TP63: variants seen among roughly 807,000 people sequenced by gnomAD.
TP63 encodes tumor protein 63.
In TP63, 17 loss-of-function variants were observed where a neutral mutation model predicts 82.8. The observed-to-expected ratio is 0.21, with a 90% CI of 0.14 to 0.31. The LOEUF (loss-of-function observed/expected upper bound fraction) is 0.31. Among genes scored for constraint, TP63 ranks in the 10% least tolerant of loss-of-function variants. The pLI is 1.00. For synonymous variants in TP63, 330 were observed against 321.7 expected (o/e 1.03, Z -0.28); for missense variants, 648 against 895.3 (o/e 0.72, Z 3.52).
intron 3 of TP63, among the ~76,000 whole-genome samples, chr3:189,752,767 T>G (rs942754683): frequency 2.3e-4 from 35 of 152,114 alleles, no homozygotes; most frequent in Non-Finnish European, 5.9e-5. Context: ...TTGAGATATC[T>G]TTTCTAATGT....
At chr3:189,637,005 A>T (rs928178336) in intron 1 of TP63, among the ~76,000 whole-genome samples, 1 of 152,090 alleles carries the variant, frequency 6.6e-6, no homozygotes, top group African/African-American at 2.4e-5. Context: ...ATTCCAGTTC[A>T]GGGTCTCAGG....
At chr3:189,765,832 G>A (rs1305412644) in intron 3 of TP63, among the ~76,000 whole-genome samples, 2 of 152,184 alleles carry the variant, frequency 1.3e-5, no homozygotes, top group African/African-American at 4.8e-5. Context: ...GCCACTAATT[G>A]TTTTCTGTTC....
the TP63 span, among the ~76,000 whole-genome samples, chr3:189,598,929 G>A: frequency 6.6e-6 from 1 of 152,200 alleles, no homozygotes; most frequent in Non-Finnish European, 1.5e-5. Context: ...ATATCTTAGA[G>A]GGATTTCCCA....
chr3:189,759,885 A>G (rs1270940894), intron 3 of TP63, among the ~76,000 whole-genome samples: 1 of 152,214 alleles, frequency 6.6e-6, no homozygotes, highest in African/African-American at 2.4e-5. Flanking sequence ...ATGGCCTGAG[A>G]GGCCTCACGA....
chr3:189,744,369 C>A (rs572475659), intron 3 of TP63, among the ~76,000 whole-genome samples: 2 of 152,178 alleles, frequency 1.3e-5, no homozygotes, highest in Admixed American at 6.5e-5. Flanking sequence ...TCTGGCCTCC[C>A]GGGGGATCAC....
intron 4 of TP63, among the ~76,000 whole-genome samples, chr3:189,848,265 C>G (rs890013417): frequency 2.6e-5 from 4 of 151,030 alleles, no homozygotes; most frequent in African/African-American, 9.8e-5. Context: ...CTCTCTCTCT[C>G]TCTCTGTTGC....
At chr3:189,630,216 T>C (rs1355387455), upstream of TP63, among the ~76,000 whole-genome samples, 3 of 152,288 alleles carry the variant, frequency 2.0e-5, no homozygotes, top group East Asian at 5.8e-4. Flanking sequence ...ATGTCACCTA[T>C]TTACAGGTGT....
At chr3:189,887,589 G>A (rs1197637732) in intron 11 of TP63, among the ~76,000 whole-genome samples, 2 of 151,992 alleles carry the variant, frequency 1.3e-5, no homozygotes, top group African/African-American at 4.8e-5. Flanking sequence ...TAGCAAAGTG[G>A]ATACACAAAC....
At chr3:189,608,095 A>C in the TP63 span, among the ~76,000 whole-genome samples, 1 of 152,204 alleles carries the variant, frequency 6.6e-6, no homozygotes, top group Non-Finnish European at 1.5e-5. Flanking sequence ...GCTTTAAAAA[A>C]TAAAGTAATT....
intron 1 of TP63, among the ~76,000 whole-genome samples, chr3:189,670,656 G>T (rs986432236): frequency 3.9e-5 from 6 of 151,926 alleles, no homozygotes; most frequent in Non-Finnish European, 8.8e-5. Flanking sequence ...TTCAAAATAT[G>T]CTACAAAGCA....
chr3:189,828,113 C>T (rs1482019691), intron 4 of TP63, among the ~76,000 whole-genome samples: 7 of 151,810 alleles, frequency 4.6e-5, no homozygotes, highest in Admixed American at 1.3e-4. Context: ...AGGTGGTGGG[C>T]GCCTGTAGTC....
rs148878016 is a variant in TP63, at chr3:189,865,468, G to A, written c.766+1050G>A. On this transcript the variant is annotated intron_variant, in intron 5 of 13. Coordinates refer to ENST00000264731, the MANE Select transcript of TP63 (RefSeq NM_003722.5). ...TCCATGAAGGGAGACTAAACAGAGA[G>A]TGCTGAAAAGTGGAAGGTAAGAGCA... Among the ~76,000 whole-genome samples, 650 of 152,290 alleles carry A rather than the reference G, an allele frequency of 4.3e-3. 7 individuals carry two copies. Among genetic ancestry groups the A allele is most frequent in the African/African-American group, 0.015 (618 of 41,558 alleles).
chr3:189,748,673 G>GA lies in TP63; in HGVS notation c.324+9909dup, dbSNP rs890529596. On this transcript the variant is annotated intron_variant, in intron 3 of 13. Coordinates refer to ENST00000264731, the MANE Select transcript of TP63 (RefSeq NM_003722.5). ...CAAAGTGCCAATATTATTTTTCACA[G>GA]AAAAAAAAAATCCTAAAAATCATAT... Among the ~76,000 whole-genome samples the GA allele has an allele frequency of 2.0e-3, 294 of 147,224 alleles. 1 individual carries two copies. Among genetic ancestry groups the GA allele is most frequent in the Middle Eastern group, 3.4e-3 (1 of 290 alleles).
chr3:189,651,693 A>G (rs1284612931), intron 1 of TP63, among the ~76,000 whole-genome samples: 1 of 146,684 alleles, frequency 6.8e-6, no homozygotes, highest in African/African-American at 2.6e-5. Context: ...GGCACATCAG[A>G]GACATTCACA....
At chr3:189,696,512 ATG>A (rs1320493502) in intron 1 of TP63, among the ~76,000 whole-genome samples, 1 of 152,136 alleles carries the variant, frequency 6.6e-6, no homozygotes, top group Middle Eastern at 3.2e-3. Context: ...AAACATTCCA[ATG>A]TGTGTTTTTG....
intron 1 of TP63, among the ~76,000 whole-genome samples, chr3:189,737,251 G>A (rs1560146205): frequency 6.6e-6 from 1 of 151,864 alleles, no homozygotes; most frequent in African/African-American, 2.4e-5. Context: ...GTTATGGGAG[G>A]GATGACTAAT....
At chr3:189,743,325 T>C (rs551491239) in intron 3 of TP63, among the ~76,000 whole-genome samples, 10 of 152,322 alleles carry the variant, frequency 6.6e-5, no homozygotes, top group African/African-American at 2.2e-4. Flanking sequence ...AGTGAGATTG[T>C]TGAGAAACAG....
At chr3:189,812,182 G>A (rs1417940071) in intron 4 of TP63, among the ~76,000 whole-genome samples, 1 of 151,976 alleles carries the variant, frequency 6.6e-6, no homozygotes, top group African/African-American at 2.4e-5. Context: ...TTTACCCTCA[G>A]GATTACTGTC....
At chr3:189,682,546 AAAAAAAAATAT>A (rs1199227500) in intron 1 of TP63, among the ~76,000 whole-genome samples, 54 of 37,690 alleles carry the variant, frequency 1.4e-3, no homozygotes, top group South Asian at 0.012. Context: ...GAAAAAAAAA[AAAAAAAAATAT>A]ATATATATAT....
Sources: gnomAD v4.1 joint callset for allele counts (sites outside exome capture counted in the v4.1 genomes callset) on GRCh38, gnomAD v4.1.1 for gene constraint, MANE v1.5 for transcripts, NCBI Gene and HGNC (gene_info 2026-07-23, HGNC 2026-07-21) for gene names.